ZNF385D: variants seen among roughly 807,000 people sequenced by gnomAD.
The protein encoded by ZNF385D is zinc finger protein 659.
ZNF385D carries 15 observed loss-of-function variants against 35.8 expected under a neutral mutation model. The ratio of observed to expected loss-of-function variants is 0.42; its 90% CI spans 0.28 to 0.64. The LOEUF (loss-of-function observed/expected upper bound fraction) is 0.64, where lower values mean the gene tolerates loss of function less well. Among genes scored for constraint, ZNF385D ranks in the 30% least tolerant of loss-of-function variants. The probability of loss-of-function intolerance (pLI) is 0.23; values close to 1 mark genes in which losing one functional copy is unlikely to be tolerated. For synonymous variants in ZNF385D, 212 were observed against 186.8 expected (o/e 1.13, Z -1.10); for missense variants, 474 against 494.6 (o/e 0.96, Z 0.39).
At chr3:21,876,820 C>T (rs2125856316) in intron 3 of ZNF385D, among the ~76,000 whole-genome samples, 1 of 152,160 alleles carries the variant, frequency 6.6e-6, no homozygotes, top group Non-Finnish European at 1.5e-5. Context: ...CTGCTGCAAG[C>T]TACTAAGCAT....
Position 21,445,034 on chromosome 3 carries a change from CAG to C in ZNF385D, c.440-7833_440-7832del, listed in dbSNP as rs552817550. ...GGAAGAAGCAGAGGCTCCTGAAGCA[CAG>C]AGTCTTGACACGAATTGTCCAGTCC... On this transcript the variant is annotated intron_variant, in intron 4 of 7. Transcript: ENST00000281523. Among the ~76,000 whole-genome samples the C allele has an allele frequency of 1.6e-4, 25 of 152,296 alleles. No individual in the cohort carries two copies. The South Asian group carries it at 4.1e-3, about 25-fold the overall frequency.
At chr3:22,117,317 A>C (rs1307942827) in intron 3 of ZNF385D, among the ~76,000 whole-genome samples, 1 of 152,068 alleles carries the variant, frequency 6.6e-6, no homozygotes. Context: ...GTTCCTTCCA[A>C]GATAAGCAGG....
intron 3 of ZNF385D, among the ~76,000 whole-genome samples, chr3:21,529,567 C>T (rs1168685819): frequency 3.9e-5 from 6 of 151,948 alleles, no homozygotes; most frequent in East Asian, 1.9e-4. Flanking sequence ...TTCCATCTTA[C>T]GTAAATTTTA....
chr3:21,574,301 C>T (rs969873466), intron 2 of ZNF385D, among the ~76,000 whole-genome samples: 4 of 151,934 alleles, frequency 2.6e-5, no homozygotes, highest in African/African-American at 7.3e-5. Flanking sequence ...AAAGTCTCTA[C>T]GTGAATAAAG....
chr3:22,168,737 T>C (rs530633281), intron 3 of ZNF385D: 4 of 851,974 alleles, frequency 4.7e-6, no homozygotes, highest in Non-Finnish European at 5.7e-6. Context: ...TAGTTCATTC[T>C]TTTATCCTCA....
At chr3:21,493,267 A>G (rs1465641868) in intron 4 of ZNF385D, among the ~76,000 whole-genome samples, 1 of 152,140 alleles carries the variant, frequency 6.6e-6, no homozygotes, top group Non-Finnish European at 1.5e-5. Context: ...TTCTACTAGT[A>G]GAGAGATAAC....
At position 21,917,928 on chromosome 3, in the gene ZNF385D, C is replaced by T. The variant is rs146962075; in HGVS notation, c.325+250889G>A. The stretch of plus-strand genomic sequence containing the variant: ...CAAACTAGGAACTTAAAGTATACTT[C>T]GTAAGTGTAGAGGACCCACAGATAT... On this transcript the variant is annotated intron_variant, in intron 3 of 5. Transcript: ENST00000494108. Among the ~76,000 whole-genome samples, 381 of 152,218 alleles carry T rather than the reference C, an allele frequency of 2.5e-3. 2 individuals carry two copies. The highest frequency in any genetic ancestry group is 8.7e-3 in the African/African-American group (361 of 41,544).
In ZNF385D at chr3:21,904,481, T is replaced by C. The variant is rs1699574948; in HGVS notation, c.326-239453A>G. 2.0e-5 allele frequency among the ~76,000 whole-genome samples: 3 copies of C among 152,134 alleles called. No homozygotes were observed. The South Asian group carries it at 6.2e-4, about 31-fold the overall frequency. ...GCAGGCTAATTTCCGAAATACGTAA[T>C]ATCATACATACTGAGATACAAAAGA... On this transcript the variant is annotated intron_variant, in intron 3 of 5. Coordinates refer to the ZNF385D transcript ENST00000494108.
rs527751553 is a variant in ZNF385D, at chr3:21,578,233, TG to T, written c.166-13550del. On this transcript the variant is annotated intron_variant, in intron 2 of 7. Coordinates refer to ENST00000281523, the MANE Select transcript of ZNF385D (RefSeq NM_024697.3). ...TTGTATATTACGGATATTAATCCCT[TG>T]TTGAATGAATAGTTTGCAAATATTT... Among the ~76,000 whole-genome samples the T allele has an allele frequency of 1.1e-3, 162 of 152,308 alleles. 1 individual carries two copies. Among genetic ancestry groups the T allele is most frequent in the African/African-American group, 3.8e-3 (157 of 41,580 alleles).
chr3:21,701,375 C>T (rs554986223), intron 1 of ZNF385D, among the ~76,000 whole-genome samples: 1 of 152,212 alleles, frequency 6.6e-6, no homozygotes, highest in East Asian at 1.9e-4. Flanking sequence ...ACTTATTCAC[C>T]ATCATGAGAA....
intron 2 of ZNF385D, among the ~76,000 whole-genome samples, chr3:22,254,546 G>A (rs577930314): frequency 6.6e-6 from 1 of 151,632 alleles, no homozygotes; most frequent in Non-Finnish European, 1.5e-5. Context: ...TACACAAATA[G>A]ATTTCATTTA....
chr3:21,755,514 C>T (rs1433993925), upstream of ZNF385D, among the ~76,000 whole-genome samples: 2 of 152,296 alleles, frequency 1.3e-5, no homozygotes, highest in South Asian at 2.1e-4. Flanking sequence ...CTGAAGCAAT[C>T]TGTAATCAAT....
At chr3:21,936,243 A>G (rs1486435472) in intron 3 of ZNF385D, among the ~76,000 whole-genome samples, 4 of 152,184 alleles carry the variant, frequency 2.6e-5, no homozygotes, top group African/African-American at 9.6e-5. Flanking sequence ...AAGGAGACAC[A>G]GGGAGATGAC....
intron 3 of ZNF385D, among the ~76,000 whole-genome samples, chr3:21,548,669 C>T (rs13068076): frequency 0.14 from 21,903 of 152,208 alleles, 1,598 homozygotes; most frequent in East Asian, 0.17. Flanking sequence ...GAACATGCTA[C>T]TGATATCCAC....
intron 2 of ZNF385D, among the ~76,000 whole-genome samples, chr3:22,169,207 A>G (rs1454154104): frequency 6.6e-6 from 1 of 152,228 alleles, no homozygotes; most frequent in East Asian, 1.9e-4. Context: ...CAATCTCTTT[A>G]ATGGAATATA....
intron 4 of ZNF385D, among the ~76,000 whole-genome samples, chr3:21,456,580 C>G (rs1037333587): frequency 6.6e-6 from 1 of 151,982 alleles, no homozygotes; most frequent in African/African-American, 2.4e-5. Context: ...ACACCGGGGC[C>G]TGTTGTGGGG....
rs566370425 is a variant in ZNF385D at position 21,666,772 on chromosome 3, C to T, written c.23-1744G>A. 5.9e-5 allele frequency among the ~76,000 whole-genome samples: 9 copies of T among 152,130 alleles called. 1 individual carries two copies. The highest frequency in any genetic ancestry group is 2.1e-4 in the South Asian group (1 of 4,810). On this transcript the variant is annotated intron_variant, in intron 1 of 7. Transcript: ENST00000281523. Reference sequence around the variant, plus strand: ...AACCAAAATAAATTTTTGGATGGTACATCTTTAAAAAACTCAGAAGTAAGG... The same window carrying T: ...AACCAAAATAAATTTTTGGATGGTATATCTTTAAAAAACTCAGAAGTAAGG...
chr3:22,301,239 C>T (rs975298454), intron 2 of ZNF385D, among the ~76,000 whole-genome samples: 7 of 151,930 alleles, frequency 4.6e-5, no homozygotes, highest in Admixed American at 1.3e-4. Flanking sequence ...GTTGGACTCA[C>T]AGAAACAAAG....
chr3:22,320,110 C>T (rs1204544863), intron 2 of ZNF385D, among the ~76,000 whole-genome samples: 1 of 150,980 alleles, frequency 6.6e-6, no homozygotes, highest in African/African-American at 2.4e-5. Context: ...ATCTGGTGCT[C>T]TATACATCCT....
Sources: gnomAD v4.1 joint callset for allele counts (sites outside exome capture counted in the v4.1 genomes callset) on GRCh38, gnomAD v4.1.1 for gene constraint, MANE v1.5 for transcripts, NCBI Gene and HGNC (gene_info 2026-07-23, HGNC 2026-07-21) for gene names.